The following TMEM255A variants were observed in gnomAD, a reference collection of about 807,000 sequenced individuals.
The protein encoded by TMEM255A is family with sequence similarity 70, member A.
A neutral mutation model predicts 23.5 loss-of-function variants in TMEM255A; 14 were observed. The ratio of observed to expected loss-of-function variants is 0.60; its 90% CI spans 0.39 to 0.93. The LOEUF (loss-of-function observed/expected upper bound fraction) is 0.93. Among genes scored for constraint, TMEM255A ranks in the 40% least tolerant of loss-of-function variants. The pLI is 0.00. For missense variants in TMEM255A, 233 were observed against 261.7 expected (o/e 0.89, Z 0.76); for synonymous variants, 104 against 100.3 (o/e 1.04, Z -0.22).
intron 2 of TMEM255A, among the ~76,000 whole-genome samples, chrX:120,296,681 T>TATATTA (rs782796676): frequency 3.2e-5 from 2 of 62,459 alleles, no homozygotes; most frequent in African/African-American, 7.0e-5. Context: ...TATATTATAT[T>TATATTA]TAATATATAT....
chrX:120,287,279 G>C (rs1556022031), intron 4 of TMEM255A, 57 bp from the exon 5 acceptor site: 1 of 871,309 alleles, frequency 1.1e-6, no homozygotes, highest in African/African-American at 2.2e-5. Context: ...AAAACAGCAA[G>C]TGTTGTACTT....
At chrX:120,297,567 C>T (rs1394025808) in intron 2 of TMEM255A, among the ~76,000 whole-genome samples, 2 of 110,841 alleles carry the variant, frequency 1.8e-5, no homozygotes, top group Admixed American at 1.9e-4. Context: ...GAAGCACTTG[C>T]CCCCTACTTT....
intron 6 of TMEM255A, among the ~76,000 whole-genome samples, chrX:120,277,298 A>G (rs935328292): frequency 8.8e-5 from 10 of 113,134 alleles, no homozygotes; most frequent in Non-Finnish European, 1.7e-4. Flanking sequence ...CACTAATCCT[A>G]GATAGCACTT....
chrX:120,307,879 C>G (rs1556027412), intron 1 of TMEM255A, among the ~76,000 whole-genome samples: 2 of 111,894 alleles, frequency 1.8e-5, no homozygotes, highest in African/African-American at 6.5e-5. Context: ...CTGCAGCCCT[C>G]CCTCTCTGCA....
intron 7 of TMEM255A, among the ~76,000 whole-genome samples, chrX:120,270,392 C>T (rs1038830046): frequency 2.8e-5 from 3 of 106,497 alleles, no homozygotes; most frequent in Non-Finnish European, 3.9e-5. Context: ...AGTAGCATTC[C>T]GAGCTCCAGT....
intron 1 of TMEM255A, among the ~76,000 whole-genome samples, chrX:120,309,194 A>T (rs1192969526): frequency 8.9e-6 from 1 of 112,494 alleles, no homozygotes; most frequent in African/African-American, 3.2e-5. Context: ...GGACTCAGGA[A>T]TTTGCCAGTG....
intron 2 of TMEM255A, among the ~76,000 whole-genome samples, chrX:120,299,269 G>A (rs2058018848): frequency 9.0e-6 from 1 of 111,462 alleles, no homozygotes; most frequent in Non-Finnish European, 1.9e-5. Context: ...TAAGCTTCCT[G>A]AGTAGCTGGG....
At chrX:120,298,606 T>G (rs1175416877) in intron 2 of TMEM255A, among the ~76,000 whole-genome samples, 1 of 111,071 alleles carries the variant, frequency 9.0e-6, no homozygotes. Context: ...ATATGTGGTA[T>G]ATGTATTGTA....
intron 2 of TMEM255A, among the ~76,000 whole-genome samples, chrX:120,299,393 G>A (rs886148338): frequency 1.8e-5 from 2 of 110,462 alleles, no homozygotes; most frequent in South Asian, 3.9e-4. Flanking sequence ...CATTGCAGCC[G>A]GCCTCGACCT....
At chrX:120,289,082 G>A (rs2057896223) in intron 4 of TMEM255A, among the ~76,000 whole-genome samples, 2 of 111,548 alleles carry the variant, frequency 1.8e-5, no homozygotes, top group Admixed American at 1.9e-4. Flanking sequence ...AGGACAGCTG[G>A]CTCTCACCCA....
chrX:120,275,704 A>C (rs2057792327), intron 7 of TMEM255A, among the ~76,000 whole-genome samples: 1 of 109,777 alleles, frequency 9.1e-6, no homozygotes. Flanking sequence ...AAAAAAACCA[A>C]AAAACCAAAA....
chrX:120,276,514 C>A (rs1556019795), intron 7 of TMEM255A, among the ~76,000 whole-genome samples: 1 of 112,050 alleles, frequency 8.9e-6, no homozygotes, highest in African/African-American at 3.2e-5. Context: ...CCTTCCATCT[C>A]TCCCAAAGTT....
At chrX:120,304,312 C>T (rs1364430427) in intron 2 of TMEM255A, 37 bp downstream of exon 2, 2 of 1,178,432 alleles carry the variant, frequency 1.7e-6, no homozygotes, top group African/African-American at 3.5e-5. Flanking sequence ...CTGTAGACAG[C>T]AAGCTACTGC....
intron 4 of TMEM255A, among the ~76,000 whole-genome samples, chrX:120,287,688 G>A (rs781862391): frequency 9.0e-5 from 10 of 111,467 alleles, no homozygotes; most frequent in African/African-American, 2.3e-4. Context: ...TGTCATTTCC[G>A]CATCATTTTC....
At chrX:120,286,028 C>A in intron 5 of TMEM255A, 1 of 659,577 alleles carries the variant, frequency 1.5e-6, no homozygotes, top group Admixed American at 3.4e-5. Context: ...CATCCAAATG[C>A]TTACTGCCTT....
intron 5 of TMEM255A, chrX:120,285,550 G>A: frequency 2.5e-6 from 3 of 1,177,385 alleles, no homozygotes; most frequent in Non-Finnish European, 3.5e-6. Context: ...GCAAAATCAG[G>A]GTACAGGAGG....
rs782770272 is a variant in TMEM255A at position 120,304,330 on chromosome X, C to A, written c.201+19G>T. 4 of 1,197,430 alleles carry A rather than the reference C, an allele frequency of 3.3e-6. No homozygotes were observed. In the Admixed American group the frequency reaches 6.8e-5, roughly 20 times the overall value. ...TAGACAGCAAGCTACTGCGACCTAC[C>A]TGTGCCTTCTATACTTACAATAACT... On this transcript the variant is annotated intron_variant, in intron 2 of 8. Transcript: ENST00000371369.
chrX:120,254,699 G>A (rs781824519), downstream of TMEM255A: 4 of 1,210,239 alleles, frequency 3.3e-6, no homozygotes, highest in Admixed American at 2.2e-5. Context: ...AAGGCTTATC[G>A]ACTGGTTGCA....
At chrX:120,285,706 GA>G in intron 5 of TMEM255A, 1 of 1,210,044 alleles carries the variant, frequency 8.3e-7, no homozygotes, top group Admixed American at 2.2e-5. Flanking sequence ...CCTTATGTAG[GA>G]AAAATAGGGT....
Sources: allele counts gnomAD v4.1 joint callset (sites outside exome capture counted in the v4.1 genomes callset), GRCh38; gene constraint gnomAD v4.1.1; transcripts MANE v1.5; gene names NCBI Gene and HGNC (gene_info 2026-07-23, HGNC 2026-07-21).